Variants in TANC1 observed in about 807,000 individuals in gnomAD.
TANC1 encodes protein TANC1.
In TANC1, 77 loss-of-function variants were observed where a neutral mutation model predicts 149.7. That is an observed-to-expected ratio of 0.51 (90% CI 0.43 to 0.62). The LOEUF (loss-of-function observed/expected upper bound fraction) is 0.62. TANC1 is among the 20% of genes least tolerant of loss of function. The probability of loss-of-function intolerance (pLI) is 0.00; values close to 1 mark genes in which losing one functional copy is unlikely to be tolerated. For missense variants in TANC1, 1,985 were observed against 2,321.8 expected (o/e 0.85, Z 2.98); for synonymous variants, 854 against 925.0 (o/e 0.92, Z 1.39).
chr2:159,061,217 A>G (rs748424006), intron 2 of TANC1, among the ~76,000 whole-genome samples: 16 of 152,124 alleles, frequency 1.1e-4, no homozygotes, highest in Admixed American at 4.6e-4. Context: ...TTTTAGTTGT[A>G]GTAACTTTTA....
chr2:159,131,020 G>A (rs2050021558), intron 4 of TANC1, among the ~76,000 whole-genome samples: 1 of 118,164 alleles, frequency 8.5e-6, no homozygotes, highest in Non-Finnish European at 1.9e-5. Flanking sequence ...CCTTTCTTGG[G>A]GTGGGGGGTC....
chr2:159,210,745 T>A (rs1026664410), intron 19 of TANC1, among the ~76,000 whole-genome samples: 12 of 152,148 alleles, frequency 7.9e-5, no homozygotes, highest in African/African-American at 2.9e-4. Flanking sequence ...TTTTTGTACT[T>A]TTAATAGAGA....
At chr2:159,063,759 G>T (rs1381944440) in intron 2 of TANC1, among the ~76,000 whole-genome samples, 2 of 152,300 alleles carry the variant, frequency 1.3e-5, no homozygotes, top group African/African-American at 4.8e-5. Context: ...TGTCTATCCT[G>T]AAAATAGCTG....
At chr2:159,141,451 A>G (rs945222832) in intron 5 of TANC1, among the ~76,000 whole-genome samples, 1 of 152,226 alleles carries the variant, frequency 6.6e-6, no homozygotes, top group Non-Finnish European at 1.5e-5. Flanking sequence ...TGGTGAATGG[A>G]AGATTCTTGA....
chr2:158,993,991 A>G (rs376050242), intron 1 of TANC1, among the ~76,000 whole-genome samples: 32 of 152,364 alleles, frequency 2.1e-4, no homozygotes, highest in South Asian at 2.1e-3. Flanking sequence ...TCATTTTAAT[A>G]TGAAAAACCT....
intron 2 of TANC1, among the ~76,000 whole-genome samples, chr2:159,062,088 AT>A (rs1263549099): frequency 6.6e-6 from 1 of 152,118 alleles, no homozygotes; most frequent in African/African-American, 2.4e-5. Context: ...AAATACAAAA[AT>A]TAGCTGGGTG....
At chr2:159,056,321 T>TA (rs1439903241) in intron 2 of TANC1, 19 of 160,798 alleles carry the variant, frequency 1.2e-4, no homozygotes, top group South Asian at 6.6e-4. Flanking sequence ...TTTATTTATT[T>TA]TTTTTTTTGA....
At chr2:159,207,734 A>AGACT (rs1468451311) in intron 19 of TANC1, among the ~76,000 whole-genome samples, 7 of 142,002 alleles carry the variant, frequency 4.9e-5, no homozygotes, top group African/African-American at 1.8e-4. Context: ...AAAACAACTC[A>AGACT]GACTTAGCCA....
At chr2:159,037,459 G>T (rs1484848481) in intron 2 of TANC1, among the ~76,000 whole-genome samples, 1 of 152,148 alleles carries the variant, frequency 6.6e-6, no homozygotes, top group Non-Finnish European at 1.5e-5. Flanking sequence ...GTATTGCCTA[G>T]GTTTTCTTCT....
rs767306674 is a variant in TANC1, at chr2:159,097,628, C to G, written c.62-9C>G. On this transcript the variant is annotated splice_polypyrimidine_tract_variant and intron_variant, in intron 3 of 26. Transcript: ENST00000263635. ...ATGGTTTAACCTAAGTATTCTCTCT[C>G]TACTCTAGGAAGTGACTTTGGTCCA... 2.2e-5 allele frequency: 35 copies of G among 1,607,602 alleles called. No individual in the cohort carries two copies. The highest frequency in any genetic ancestry group is 2.8e-5 in the Non-Finnish European group (33 of 1,174,340).
chr2:159,141,669 G>A (rs2051384389), intron 5 of TANC1, among the ~76,000 whole-genome samples: 1 of 152,214 alleles, frequency 6.6e-6, no homozygotes, highest in Non-Finnish European at 1.5e-5. Context: ...AAGAGCTCAG[G>A]ATATAAACTG....
At chr2:158,996,556 A>G (rs1022292438) in intron 1 of TANC1, among the ~76,000 whole-genome samples, 3 of 152,254 alleles carry the variant, frequency 2.0e-5, no homozygotes, top group Admixed American at 1.3e-4. Flanking sequence ...TAGGTGTAAC[A>G]TAATTTTTTC....
chr2:159,221,686 A>C (rs573000460), intron 22 of TANC1, among the ~76,000 whole-genome samples: 2 of 152,236 alleles, frequency 1.3e-5, no homozygotes, highest in African/African-American at 4.8e-5. Flanking sequence ...TAAAGCCTGC[A>C]TAGTATTTCA....
chr2:159,121,373 G>A (rs762702970), intron 4 of TANC1, among the ~76,000 whole-genome samples: 5 of 152,154 alleles, frequency 3.3e-5, no homozygotes, highest in Non-Finnish European at 5.9e-5. Flanking sequence ...CACCCTTATC[G>A]CCCAGGCTGG....
At chr2:159,218,893 C>G (rs1559480237) in intron 20 of TANC1, among the ~76,000 whole-genome samples, 1 of 152,176 alleles carries the variant, frequency 6.6e-6, no homozygotes, top group Non-Finnish European at 1.5e-5. Flanking sequence ...CCGCTGCTCG[C>G]CCCTCTTAGT....
At chr2:159,008,210 A>C (rs1351038502) in intron 2 of TANC1, among the ~76,000 whole-genome samples, 3 of 152,236 alleles carry the variant, frequency 2.0e-5, no homozygotes, top group African/African-American at 7.2e-5. Flanking sequence ...TGCTGTTGCA[A>C]ACTATGCAAG....
Position 159,136,047 on chromosome 2 carries a change from T to TGTGTGCGC in TANC1, c.260-144_260-143insTGCGCGTG, listed in dbSNP as rs1457762905. 1.8e-4 allele frequency: 37 copies of TGTGTGCGC among 211,280 alleles called. 2 individuals carry two copies. Among genetic ancestry groups the TGTGTGCGC allele is most frequent in the South Asian group, 6.4e-4 (17 of 26,738 alleles). The allele number at this position is 211,280 out of a possible 1,614,324, so 13.1% of individuals were successfully genotyped here. On this transcript the variant is annotated intron_variant, in intron 4 of 26. Transcript: ENST00000263635. ...GTGTGTGTGTGTGTGTGTGTGTGTG[T>TGTGTGCGC]GTGCGCGCGCGCGCGTTTAAGGGAG... is the stretch of plus-strand genomic sequence containing the variant.
chr2:158,993,593 C>T (rs1221257678), intron 1 of TANC1, among the ~76,000 whole-genome samples: 1 of 152,058 alleles, frequency 6.6e-6, no homozygotes, highest in Non-Finnish European at 1.5e-5. Flanking sequence ...AGAAATAAAA[C>T]ATGGGGGTCG....
Position 159,163,391 on chromosome 2 carries a change from G to C in TANC1, c.791G>C (p.Arg264Pro), listed in dbSNP as rs201686520. 1.9e-6 allele frequency: 3 copies of C among 1,614,198 alleles called. No homozygotes were observed. Among genetic ancestry groups the C allele is most frequent in the African/African-American group, 1.3e-5 (1 of 75,042 alleles). ...LGVQKGVLHDRRADNCSPVAE... is the reference protein window; with the variant it reads ...LGVQKGVLHDPRADNCSPVAE... ...GTTCAGAAGGGAGTGCTTCATGACC[G>C]CAGGGCAGATAACTGCTCCCCAGTG... is the stretch of plus-strand genomic sequence containing the variant. Residue 264 changes from arginine to proline, a missense_variant, in exon 8 of 27, where the codon CGC becomes CCC. Around this residue, in one of 3 missense-constraint regions of TANC1, gnomAD observed 557 missense variants for 612.9 expected, o/e 0.91. Transcript: ENST00000263635.
Sources: gnomAD v4.1 joint callset for allele counts (sites outside exome capture counted in the v4.1 genomes callset) on GRCh38, gnomAD v4.1.1 for gene constraint, gnomAD v4.1.1 regional missense constraint, MANE v1.5 for transcripts, NCBI Gene and HGNC (gene_info 2026-07-23, HGNC 2026-07-21) for gene names.